Variants in SEMA3E observed in about 807,000 individuals in gnomAD.
SEMA3E encodes the protein semaphorin-3E.
Under a neutral mutation model 93.6 loss-of-function variants are expected in SEMA3E, and 49 were observed. The observed-to-expected ratio is 0.52, with a 90% confidence interval of 0.42 to 0.66. SEMA3E has a LOEUF of 0.66. SEMA3E is among the 30% of genes least tolerant of loss of function. The pLI is 0.00. For synonymous variants in SEMA3E, 363 were observed against 330.7 expected (o/e 1.10, Z -1.06); for missense variants, 906 against 964.8 (o/e 0.94, Z 0.81).
chr7:83,616,355 T>A (rs1052830757), intron 1 of SEMA3E, among the ~76,000 whole-genome samples: 5 of 152,148 alleles, frequency 3.3e-5, no homozygotes, highest in African/African-American at 9.7e-5. Context: ...CTTTTGTATA[T>A]GTGTGTTATA....
In SEMA3E at chr7:83,374,703, C is replaced by T. The variant is rs181544199; in HGVS notation, c.1876-6665G>A. Among the ~76,000 whole-genome samples, 424 of 152,180 alleles carry T rather than the reference C, an allele frequency of 2.8e-3. 2 individuals carry two copies. Among genetic ancestry groups the T allele is most frequent in the African/African-American group, 8.4e-3 (347 of 41,526 alleles). On this transcript the variant is annotated intron_variant, in intron 16 of 16. Coordinates refer to ENST00000643230, the MANE Select transcript of SEMA3E (RefSeq NM_012431.3). ...TATAATCTATAATATAATACATTTA[C>T]TTTTACAGTTCATGCATACTCAATA...
At chr7:83,416,229 T>A (rs1788535384) in intron 5 of SEMA3E, among the ~76,000 whole-genome samples, 1 of 152,124 alleles carries the variant, frequency 6.6e-6, no homozygotes, top group African/African-American at 2.4e-5. Flanking sequence ...GAGGGATTAT[T>A]CTATAACTTT....
At chr7:83,390,716 A>G (rs141483645) in intron 14 of SEMA3E, among the ~76,000 whole-genome samples, 92 of 152,176 alleles carry the variant, frequency 6.0e-4, no homozygotes, top group African/African-American at 2.1e-3. Context: ...ACAGCACTGA[A>G]AGATCTCCAT....
chr7:83,570,861 C>G (rs1409310619), intron 1 of SEMA3E, among the ~76,000 whole-genome samples: 1 of 148,888 alleles, frequency 6.7e-6, no homozygotes, highest in Non-Finnish European at 1.5e-5. Context: ...TGATAAAAAG[C>G]CATTACAACT....
At chr7:83,568,226 A>G (rs2115858543) in intron 1 of SEMA3E, among the ~76,000 whole-genome samples, 1 of 152,282 alleles carries the variant, frequency 6.6e-6, no homozygotes, top group East Asian at 1.9e-4. Flanking sequence ...GTAAGACTGA[A>G]TAAGTAATAA....
Position 83,631,632 on chromosome 7 carries a change from T to C in SEMA3E, c.115+16796A>G, listed in dbSNP as rs139773295. ...TAGGAATGTCTCACTCCAAAGTGCA[T>C]GTCTTTTTCAGGGCACCACACACTG... On this transcript the variant is annotated intron_variant, in intron 1 of 16. Transcript: ENST00000643230. 4.2e-3 allele frequency among the ~76,000 whole-genome samples: 642 copies of C among 152,320 alleles called. 2 individuals carry two copies. Among genetic ancestry groups the C allele is most frequent in the Non-Finnish European group, 5.4e-3 (370 of 68,026 alleles).
intron 1 of SEMA3E, among the ~76,000 whole-genome samples, chr7:83,523,564 T>A (rs145394257): frequency 6.6e-6 from 1 of 152,222 alleles, no homozygotes; most frequent in African/African-American, 2.4e-5. Context: ...CTCAGTGGCA[T>A]GTGCTTCTCT....
chr7:83,426,871 C>G (rs1788781002), intron 4 of SEMA3E, among the ~76,000 whole-genome samples: 1 of 152,002 alleles, frequency 6.6e-6, no homozygotes, highest in South Asian at 2.1e-4. Flanking sequence ...AACAACTAAT[C>G]TAGTTGTTCT....
At chr7:83,460,064 G>A (rs1289835351) in intron 4 of SEMA3E, among the ~76,000 whole-genome samples, 2 of 152,138 alleles carry the variant, frequency 1.3e-5, no homozygotes, top group African/African-American at 4.8e-5. Flanking sequence ...GAAATAAACA[G>A]CCATGTTGCT....
At chr7:83,565,995 C>CT (rs750248438) in intron 1 of SEMA3E, among the ~76,000 whole-genome samples, 14,028 of 112,092 alleles carry the variant, frequency 0.13, 1,674 homozygotes, top group East Asian at 0.18. Context: ...TGTTTCCACT[C>CT]TTTTTTTTTT....
At chr7:83,372,536 G>T in intron 16 of SEMA3E, 4 of 305,274 alleles carry the variant, frequency 1.3e-5, no homozygotes, top group Non-Finnish European at 2.4e-5. Context: ...AGTTTGGTAA[G>T]TTAAAAAAGC....
chr7:83,631,577 A>G (rs1793786372), intron 1 of SEMA3E, among the ~76,000 whole-genome samples: 1 of 152,270 alleles, frequency 6.6e-6, no homozygotes, highest in Admixed American at 6.5e-5. Flanking sequence ...AAGCAAAGAC[A>G]CAATAGCAGA....
chr7:83,534,570 G>A (rs1369951213), intron 1 of SEMA3E, among the ~76,000 whole-genome samples: 1 of 152,084 alleles, frequency 6.6e-6, no homozygotes, highest in Non-Finnish European at 1.5e-5. Context: ...CCCATTAAAT[G>A]GTCACAATTC....
At chr7:83,436,227 T>C (rs1157575779) in intron 4 of SEMA3E, among the ~76,000 whole-genome samples, 1 of 151,650 alleles carries the variant, frequency 6.6e-6, no homozygotes, top group African/African-American at 2.4e-5. Flanking sequence ...GTGTTAAAGA[T>C]ATACAACACA....
chr7:83,615,527 G>A (rs944812286), intron 1 of SEMA3E, among the ~76,000 whole-genome samples: 6 of 151,970 alleles, frequency 3.9e-5, no homozygotes, highest in Non-Finnish European at 8.8e-5. Flanking sequence ...GAAGCTGGCT[G>A]GGGAAGAAAG....
rs1790697339 is a variant in SEMA3E, at chr7:83,506,021, A to C, written c.116-15747T>G. 1.6e-5 allele frequency among the ~76,000 whole-genome samples: 2 copies of C among 123,516 alleles called. 1 individual carries two copies. Among genetic ancestry groups the C allele is most frequent in the South Asian group, 6.0e-4 (2 of 3,340 alleles). The allele number at this position is 123,516 out of a possible 152,430, so 81.0% of individuals were successfully genotyped here. ...CAGTGCTAGACTCCGTCTCCAAAAAAAAAAAAAAAAAATATATATATATAT... is the reference window on the plus strand; with the variant it reads ...CAGTGCTAGACTCCGTCTCCAAAAACAAAAAAAAAAAATATATATATATAT... On this transcript the variant is annotated intron_variant, in intron 1 of 16. Coordinates refer to ENST00000643230, the MANE Select transcript of SEMA3E (RefSeq NM_012431.3).
chr7:83,549,170 A>C (rs1345149035), intron 1 of SEMA3E, among the ~76,000 whole-genome samples: 1 of 152,186 alleles, frequency 6.6e-6, no homozygotes, highest in Non-Finnish European at 1.5e-5. Context: ...TTATATGGAA[A>C]CATTCATATC....
rs538251836 is a variant in SEMA3E, at chr7:83,616,854, A to G, written c.115+31574T>C. On this transcript the variant is annotated intron_variant, in intron 1 of 16. Coordinates refer to ENST00000643230, the MANE Select transcript of SEMA3E (RefSeq NM_012431.3). ...ATTCTCCTGCCTCAGCCTCCTGAGT[A>G]GCTGGGATTACAGGAGCCTGCCACC... is the stretch of plus-strand genomic sequence containing the variant. 1.6e-4 allele frequency: 55 copies of G among 341,498 alleles called. 1 individual carries two copies. Among genetic ancestry groups the G allele is most frequent in the South Asian group, 1.2e-3 (54 of 44,524 alleles). 21.2% of individuals were successfully genotyped at this position (341,498 alleles called of 1,614,324 possible).
chr7:83,644,468 T>A (rs1484566042), intron 1 of SEMA3E, among the ~76,000 whole-genome samples: 4 of 151,978 alleles, frequency 2.6e-5, no homozygotes, highest in African/African-American at 9.7e-5. Context: ...TTTTCTCACT[T>A]TGTATCAGTC....
Sources: gnomAD v4.1 joint callset for allele counts (sites outside exome capture counted in the v4.1 genomes callset) on GRCh38, gnomAD v4.1.1 for gene constraint, MANE v1.5 for transcripts, NCBI Gene and HGNC (gene_info 2026-07-23, HGNC 2026-07-21) for gene names.